Variants in VWCE observed in about 807,000 individuals in gnomAD.
The protein encoded by VWCE is von Willebrand factor C and EGF domain-containing protein.
VWCE carries 68 observed loss-of-function variants against 102.9 expected under a neutral mutation model. The ratio of observed to expected loss-of-function variants is 0.66; its 90% CI spans 0.54 to 0.81. The LOEUF (loss-of-function observed/expected upper bound fraction) is 0.81. Ranked by LOEUF, VWCE falls within the 30% of genes least tolerant of loss-of-function variation. The probability of loss-of-function intolerance (pLI) is 0.00; values close to 1 mark genes in which losing one functional copy is unlikely to be tolerated. For synonymous variants in VWCE, 497 were observed against 515.4 expected (o/e 0.96, Z 0.48); for missense variants, 1,137 against 1,263.6 (o/e 0.90, Z 1.52).
chr11:61,281,285 G>A (rs753696010), intron 7 of VWCE, 50 bp from the exon 8 acceptor site: 103 of 1,605,810 alleles, frequency 6.4e-5, no homozygotes, highest in Middle Eastern at 2.2e-4. Flanking sequence ...GAGACAGGAG[G>A]CAGGGTTTAG....
At chr11:61,269,806 C>G (rs115356831) in intron 14 of VWCE, among the ~76,000 whole-genome samples, 1 of 151,970 alleles carries the variant, frequency 6.6e-6, no homozygotes, top group Non-Finnish European at 1.5e-5. Flanking sequence ...TTTTGTATCA[C>G]TCTCTTGGTG....
In VWCE at chr11:61,259,938, C is replaced by T. The variant is rs144672479; in HGVS notation, c.2231-626G>A. Among the ~76,000 whole-genome samples, 249 of 152,314 alleles carry T rather than the reference C, an allele frequency of 1.6e-3. 1 individual carries two copies. The Middle Eastern group carries it at 0.017, about 10-fold the overall frequency. On this transcript the variant is annotated intron_variant, in intron 19 of 19. Transcript: ENST00000335613. The stretch of plus-strand genomic sequence containing the variant: ...TGCTCCTTGACTTACGATGGGGTCA[C>T]GTCCCAATAAACCTGTAAATCAAAA...
At chr11:61,266,886 T>C (rs572959060) in intron 16 of VWCE, among the ~76,000 whole-genome samples, 1 of 152,234 alleles carries the variant, frequency 6.6e-6, no homozygotes, top group East Asian at 1.9e-4. Flanking sequence ...GCGTTTCACC[T>C]CCACCCTCAT....
rs1218077152 is a variant in VWCE at position 61,265,052 on chromosome 11, G to A, written c.2057-14C>T. ...CGTAGTTGCAGTCTGTGGAGGAAGG[G>A]GAGACAGGAGCCCATGAGAGCCGAG... On this transcript the variant is annotated splice_polypyrimidine_tract_variant and intron_variant, in intron 17 of 19. Coordinates refer to ENST00000335613, the MANE Select transcript of VWCE (RefSeq NM_152718.2). The A allele has an allele frequency of 6.2e-7, 1 of 1,613,980 alleles. No homozygotes were observed. The highest frequency in any genetic ancestry group is 1.7e-5 in the Admixed American group (1 of 59,980).
intron 7 of VWCE, 22 bp downstream of exon 7, chr11:61,281,764 G>C: frequency 6.3e-7 from 1 of 1,597,690 alleles, no homozygotes; most frequent in Non-Finnish European, 8.5e-7. Context: ...CAGCCGCCGG[G>C]ATGGAGGGGC....
Position 61,267,484 on chromosome 11 carries a change from GGGTCCAGCACAGACGGGAA to G in VWCE, c.1924_1942del (p.Phe642HisfsTer3). On this transcript the variant is annotated frameshift_variant, in exon 16 of 20. Transcript: ENST00000335613. LOFTEE classifies it high-confidence loss of function. ...TACCAGGCAGATGCAGCTCAGACAT[GGGTCCAGCACAGACGGGAA>G]GGTCTCGTTGTTATAGAAGATTCTG... 6.2e-7 allele frequency: 1 copy of G among 1,614,164 alleles called. No individual in the cohort carries two copies. Among genetic ancestry groups the G allele is most frequent in the Non-Finnish European group, 8.5e-7 (1 of 1,180,030 alleles).
rs556243700 is a variant in VWCE, at chr11:61,264,369, T to C, written c.2230+118A>G. On this transcript the variant is annotated intron_variant, in intron 19 of 19. Transcript: ENST00000335613. ...GCTGTACAACCTTGCGCGAGCCGTG[T>C]TCCCTCTCTGAACATGGCTTTCTCT... is the stretch of plus-strand genomic sequence containing the variant. 53 of 1,046,368 alleles carry C rather than the reference T, an allele frequency of 5.1e-5. No individual in the cohort carries two copies. In the African/African-American group the frequency reaches 7.4e-4, roughly 15 times the overall value. The allele number at this position is 1,046,368 out of a possible 1,614,324, so 64.8% of individuals were successfully genotyped here.
intron 4 of VWCE, among the ~76,000 whole-genome samples, chr11:61,289,333 C>T (rs1243813631): frequency 6.7e-6 from 1 of 150,162 alleles, no homozygotes; most frequent in Non-Finnish European, 1.5e-5. Flanking sequence ...TCACTGCAAC[C>T]TCCACCTGCT....
chr11:61,263,117 AC>A (rs1186778029), intron 19 of VWCE, among the ~76,000 whole-genome samples: 2 of 151,924 alleles, frequency 1.3e-5, no homozygotes, highest in Admixed American at 6.6e-5. Flanking sequence ...GAACAGCCTG[AC>A]GAACATGGCG....
At position 61,281,837 on chromosome 11, in the gene VWCE, A is replaced by G. The variant is rs529381029; in HGVS notation, c.736T>C (p.Cys246Arg). 69 of 1,613,978 alleles carry G rather than the reference A, an allele frequency of 4.3e-5. No homozygotes were observed. The South Asian group carries it at 7.3e-4, about 17-fold the overall frequency. ...AGCCTGAAGCCAGGTCGGCATGTGC[A>G]TAGGAAGCTGCCCACGGTGTTGTGG... ...SCHNTVGSFL[C>R]TCRPGFRLRA... Residue 246 changes from cysteine to arginine, a missense_variant, in exon 7 of 20, where the codon TGC becomes CGC. Around this residue, in one of 5 missense-constraint regions of VWCE, gnomAD observed 575 missense variants for 625.9 expected, o/e 0.92. Coordinates refer to ENST00000335613, the MANE Select transcript of VWCE (RefSeq NM_152718.2).
At position 61,265,131 on chromosome 11, in the gene VWCE, C is replaced by T. The variant is rs767119125; in HGVS notation, c.2047G>A (p.Val683Met). The change falls in exon 17 of 20, where the codon GTG becomes ATG. Residue 683 changes from valine (V) to methionine (M), a missense_variant. Physicochemically the swap from Val to Met is conservative, Grantham distance 21. This residue lies in a region of VWCE where 29 missense variants were observed against 62.9 expected (regional missense o/e 0.46). Transcript: ENST00000335613. Reference protein sequence around the residue: ...PFHPDGECCPVCRDCNYEGRK... With the variant: ...PFHPDGECCPMCRDCNYEGRK... The stretch of plus-strand genomic sequence containing the variant: ...AGCTGGTCCCACTCACCTCGGCACA[C>T]GGGGCAGCACTCCCCGTCAGGGTGG... The T allele has an allele frequency of 1.7e-5, 28 of 1,603,156 alleles. No individual in the cohort carries two copies. The highest frequency in any genetic ancestry group is 5.1e-5 in the Admixed American group (3 of 58,600).
chr11:61,286,664 G>A (rs1223834647), intron 4 of VWCE, among the ~76,000 whole-genome samples: 1 of 152,148 alleles, frequency 6.6e-6, no homozygotes, highest in Non-Finnish European at 1.5e-5. Flanking sequence ...AGCCAGGCAT[G>A]GTGGTGCATG....
rs1855615114 is a variant in VWCE, at chr11:61,294,593, C to T, written c.110+335G>A. 6.6e-6 allele frequency among the ~76,000 whole-genome samples: 1 copy of T among 152,132 alleles called. No individual in the cohort carries two copies. The highest frequency in any genetic ancestry group is 1.5e-5 in the Non-Finnish European group (1 of 68,002). ...AGCCACGGGCACGCTGGGGGGTGAGCCAGCCAGTCCGGAGACCAGATGGCA... is the reference window on the plus strand; with the variant it reads ...AGCCACGGGCACGCTGGGGGGTGAGTCAGCCAGTCCGGAGACCAGATGGCA... On this transcript the variant is annotated intron_variant, in intron 1 of 19. Coordinates refer to ENST00000335613, the MANE Select transcript of VWCE (RefSeq NM_152718.2). The surrounding 1 kb of genome is among the most constrained non-coding windows in gnomAD (Gnocchi z 6.3).
intron 16 of VWCE, among the ~76,000 whole-genome samples, chr11:61,267,055 C>G (rs1854536199): frequency 6.6e-6 from 1 of 152,294 alleles, no homozygotes; most frequent in Admixed American, 6.5e-5. Context: ...GTCAGGAGTT[C>G]AGGAACGGCC....
chr11:61,273,145 GC>G (rs1854781218), intron 13 of VWCE, 53 bp downstream of exon 13: 3 of 1,564,498 alleles, frequency 1.9e-6, no homozygotes, highest in African/African-American at 2.7e-5. Context: ...GTGAAGCTCA[GC>G]CTCTCTCCCC....
At chr11:61,278,528 A>C in intron 9 of VWCE, 52 bp from the exon 10 acceptor site, 1 of 1,546,798 alleles carries the variant, frequency 6.5e-7, no homozygotes, top group Non-Finnish European at 8.9e-7. Context: ...AAAGAAGAGG[A>C]AACTTGAGGT....
chr11:61,260,793 T>C (rs1854332488), intron 19 of VWCE, among the ~76,000 whole-genome samples: 2 of 151,992 alleles, frequency 1.3e-5, no homozygotes. Context: ...AAATACAAAA[T>C]ACAGCAAAAT....
intron 7 of VWCE, 101 bp from the exon 8 acceptor site, chr11:61,281,336 AC>A: frequency 4.3e-6 from 6 of 1,408,408 alleles, no homozygotes; most frequent in Non-Finnish European, 4.9e-6. Context: ...GTCCCTGTTC[AC>A]CCCCCGTGGT....
Position 61,281,134 on chromosome 11 carries a change from A to G in VWCE, c.889T>C (p.Ser297Pro), listed in dbSNP as rs377746619. 53 of 1,613,470 alleles carry G rather than the reference A, an allele frequency of 3.3e-5. No homozygotes were observed. Among genetic ancestry groups the G allele is most frequent in the Non-Finnish European group, 4.4e-5 (52 of 1,179,904 alleles). ...LLPEAGRPAL[S>P]PGHSPPSGAP... ...CCAGAAGGAGGGCTATGTCCTGGGG[A>G]CAGGGCAGGCCGGCCGGCCTCAGGA... is the stretch of plus-strand genomic sequence containing the variant. The change falls in exon 8 of 20, where the codon TCC becomes CCC. Residue 297 changes from serine to proline, a missense_variant. Transcript: ENST00000335613.
Sources: allele counts gnomAD v4.1 joint callset (sites outside exome capture counted in the v4.1 genomes callset), GRCh38; gene constraint gnomAD v4.1.1; regional missense constraint gnomAD v4.1.1; non-coding constraint Gnocchi (gnomAD v3.1); transcripts MANE v1.5; gene names NCBI Gene and HGNC (gene_info 2026-07-23, HGNC 2026-07-21).